LPCAT3: variants seen among roughly 807,000 people sequenced by gnomAD.
LPCAT3 encodes lysophospholipid acyltransferase 5.
A neutral mutation model predicts 63.4 loss-of-function variants in LPCAT3; 21 were observed. The observed-to-expected ratio is 0.33, with a 90% CI of 0.23 to 0.48. The LOEUF is 0.48. Among genes scored for constraint, LPCAT3 ranks in the 20% least tolerant of loss-of-function variants. The probability of loss-of-function intolerance (pLI) is 0.99; values close to 1 mark genes in which losing one functional copy is unlikely to be tolerated. For missense variants in LPCAT3, 451 were observed against 590.6 expected, an observed-to-expected ratio of 0.76 and a Z score of 2.45; for synonymous variants, 242 against 227.5, an observed-to-expected ratio of 1.06 and a Z score of -0.58.
At chr12:6,980,537 G>A (rs1946459367) in intron 6 of LPCAT3, among the ~76,000 whole-genome samples, 1 of 151,376 alleles carries the variant, frequency 6.6e-6, no homozygotes, top group Non-Finnish European at 1.5e-5. Flanking sequence ...GTATTTTTTT[G>A]TAGAGACAGA....
At chr12:6,986,453 G>C (rs1946526735) in intron 1 of LPCAT3, among the ~76,000 whole-genome samples, 1 of 152,034 alleles carries the variant, frequency 6.6e-6, no homozygotes, top group East Asian at 1.9e-4. Context: ...TATGCTATTG[G>C]TAAGTCTTCT....
intron 1 of LPCAT3, among the ~76,000 whole-genome samples, chr12:6,984,418 G>A (rs1429195046): frequency 6.6e-6 from 1 of 152,210 alleles, no homozygotes; most frequent in Non-Finnish European, 1.5e-5. Context: ...CACCTTCAGT[G>A]TTCTATCTAG....
chr12:6,995,529 TG>T (rs1305242128), intron 1 of LPCAT3, among the ~76,000 whole-genome samples: 8 of 152,040 alleles, frequency 5.3e-5, no homozygotes, highest in Non-Finnish European at 1.2e-4. Flanking sequence ...TATCTAGTCA[TG>T]AAATCCTGTT....
intron 1 of LPCAT3, among the ~76,000 whole-genome samples, chr12:7,011,042 A>C (rs782032052): frequency 6.6e-6 from 1 of 152,056 alleles, no homozygotes; most frequent in Non-Finnish European, 1.5e-5. Flanking sequence ...TTGAGACAGA[A>C]TCTTGCTCTT....
intron 6 of LPCAT3, 55 bp from the exon 7 acceptor site, chr12:6,979,634 A>G: frequency 8.2e-7 from 1 of 1,214,394 alleles, no homozygotes; most frequent in Non-Finnish European, 1.2e-6. Context: ...TATTCCCTTC[A>G]CCCTCTGACC....
chr12:6,979,670 G>T (rs1431223916), intron 6 of LPCAT3, 91 bp from the exon 7 acceptor site: 1 of 857,260 alleles, frequency 1.2e-6, no homozygotes, highest in Non-Finnish European at 1.9e-6. Flanking sequence ...GAGTGTTTAG[G>T]GGTGTGGTTG....
In LPCAT3 at chr12:6,977,622, G is replaced by A; in HGVS notation, c.1164C>T (p.Phe388=). ...CCTGTCTTTCCACAATAACAATGAG[G>A]AATTCCATCTGGAAGCAGACCAGGT... is the stretch of plus-strand genomic sequence containing the variant. ...SGYLVCFQME[F]LIVIVERQAA... Residue 388 remains phenylalanine (F), a synonymous_variant, in exon 10 of 13, where the codon TTC becomes TTT. Coordinates refer to ENST00000261407, the MANE Select transcript of LPCAT3 (RefSeq NM_005768.6). This position sits in a 1 kb window ranked among gnomAD's most constrained non-coding sequence, Gnocchi z 4.5. 6.2e-7 allele frequency: 1 copy of A among 1,614,168 alleles called. No homozygotes were observed. The highest frequency in any genetic ancestry group is 8.5e-7 in the Non-Finnish European group (1 of 1,180,038).
rs1266725693 is a variant in LPCAT3, at chr12:6,981,189, C to G, written c.499-7G>C. ...GCTCAGAGGACAAGGAATTCTATGC[C>G]AAGAAGAGAATGCATGGTTCAGGAT... On this transcript the variant is annotated splice_polypyrimidine_tract_variant and splice_region_variant and intron_variant, in intron 5 of 12. Coordinates refer to ENST00000261407, the MANE Select transcript of LPCAT3 (RefSeq NM_005768.6). 2.5e-6 allele frequency: 4 copies of G among 1,600,824 alleles called. No individual in the cohort carries two copies. In the Admixed American group the frequency reaches 6.9e-5, roughly 28 times the overall value.
At chr12:7,005,450 G>A (rs1253425525) in intron 1 of LPCAT3, among the ~76,000 whole-genome samples, 2 of 152,226 alleles carry the variant, frequency 1.3e-5, no homozygotes, top group Non-Finnish European at 2.9e-5. Context: ...TCCCTTGGGT[G>A]TAACCCTAGG....
intron 1 of LPCAT3, among the ~76,000 whole-genome samples, chr12:6,997,664 G>A (rs1490882977): frequency 6.0e-5 from 9 of 150,812 alleles, no homozygotes; most frequent in South Asian, 2.1e-4. Flanking sequence ...TCGGCTCACC[G>A]TAACCTCTGC....
intron 7 of LPCAT3, 69 bp from the exon 8 acceptor site, chr12:6,978,758 T>G: frequency 6.3e-7 from 1 of 1,586,562 alleles, no homozygotes; most frequent in South Asian, 1.2e-5. Context: ...GCACTCTTCC[T>G]TTTCACACTT....
chr12:6,984,785 A>G (rs1487756902), intron 1 of LPCAT3, among the ~76,000 whole-genome samples: 3 of 151,712 alleles, frequency 2.0e-5, no homozygotes, highest in African/African-American at 7.3e-5. Context: ...AGTTCTCACT[A>G]TGTTGCCCAG....
chr12:6,982,002 C>T, intron 3 of LPCAT3, 98 bp from the exon 4 acceptor site: 1 of 713,194 alleles, frequency 1.4e-6, no homozygotes, highest in Non-Finnish European at 2.5e-6. Context: ...CTCCTCATCC[C>T]ATCATTAAAA....
At chr12:6,981,936 CACT>C in intron 3 of LPCAT3, 32 bp from the exon 4 acceptor site, 4 of 1,090,514 alleles carry the variant, frequency 3.7e-6, no homozygotes, top group Non-Finnish European at 5.7e-6. Flanking sequence ...ATTCTAGCAT[CACT>C]ACTATTTCTT....
chr12:6,979,635 C>T (rs1946449056), intron 6 of LPCAT3, 56 bp from the exon 7 acceptor site: 5 of 1,217,190 alleles, frequency 4.1e-6, no homozygotes, highest in Admixed American at 3.5e-5. Context: ...ATTCCCTTCA[C>T]CCTCTGACCT....
At position 6,977,140 on chromosome 12, in the gene LPCAT3, A is replaced by G. The variant is rs1555153320; in HGVS notation, c.*6T>C. ...TTTAGCTGTATTAACTTACCAGGGA[A>G]ATGGATTATTCCATCTTCTTTAACT... On this transcript the variant is annotated 3_prime_UTR_variant, in exon 12 of 13. Transcript: ENST00000261407. The surrounding 1 kb of genome is among the most constrained non-coding windows in gnomAD (Gnocchi z 4.5). 1 of 1,572,254 alleles carries G rather than the reference A, an allele frequency of 6.4e-7. No homozygotes were observed. Among genetic ancestry groups the G allele is most frequent in the Admixed American group, 1.7e-5 (1 of 59,940 alleles).
chr12:7,000,949 T>C (rs7297405), intron 1 of LPCAT3, among the ~76,000 whole-genome samples: 1 of 152,020 alleles, frequency 6.6e-6, no homozygotes. Flanking sequence ...CCTCGTGATC[T>C]GCCCGCCTCA....
chr12:6,989,032 A>G (rs1555155130), intron 1 of LPCAT3, among the ~76,000 whole-genome samples: 2 of 151,838 alleles, frequency 1.3e-5, no homozygotes, highest in East Asian at 3.9e-4. Flanking sequence ...AGGCTGAGGC[A>G]GAATTGCTTG....
At position 7,018,124 on chromosome 12, in the gene LPCAT3, T is replaced by C; in HGVS notation, c.151+150A>G. 1 of 818,884 alleles carries C rather than the reference T, an allele frequency of 1.2e-6. No homozygotes were observed. Among genetic ancestry groups the C allele is most frequent in the Non-Finnish European group, 1.9e-6 (1 of 517,624 alleles). The allele number at this position is 818,884 out of a possible 1,614,324, so 50.7% of individuals were successfully genotyped here. A position where few individuals can be genotyped will look rare whatever the true frequency, so the allele number is the denominator to read the frequency against. ...CTCGAGACAGGACTTCTGTCTTCCC[T>C]CAGTAGCTGTTGGTGTGCTTCAGGA... On this transcript the variant is annotated intron_variant, in intron 1 of 12. Coordinates refer to ENST00000261407, the MANE Select transcript of LPCAT3 (RefSeq NM_005768.6). The surrounding 1 kb of genome is among the most constrained non-coding windows in gnomAD (Gnocchi z 4.9).
Sources: allele counts gnomAD v4.1 joint callset (sites outside exome capture counted in the v4.1 genomes callset), GRCh38; gene constraint gnomAD v4.1.1; non-coding constraint Gnocchi (gnomAD v3.1); transcripts MANE v1.5; gene names NCBI Gene and HGNC (gene_info 2026-07-23, HGNC 2026-07-21).